Variants in GCA observed in about 807,000 individuals in gnomAD.
GCA encodes grancalcin.
In GCA, 30 loss-of-function variants were observed where a neutral mutation model predicts 32.6. The observed-to-expected ratio is 0.92, with a 90% CI of 0.69 to 1.25. The LOEUF (loss-of-function observed/expected upper bound fraction) is 1.25, where lower values mean the gene tolerates loss of function less well. Among genes scored for constraint, GCA ranks in the 50% most tolerant of loss-of-function variants. GCA has a pLI of 0.00. For missense variants in GCA, 291 were observed against 266.8 expected, an observed-to-expected ratio of 1.09 and a Z score of -0.63; for synonymous variants, 102 against 84.6, an observed-to-expected ratio of 1.21 and a Z score of -1.13.
At chr2:162,373,486 A>G, downstream of GCA, 2 of 1,543,704 alleles carry the variant, frequency 1.3e-6, no homozygotes, top group Non-Finnish European at 1.7e-6. Context: ...GGAAGGGCTG[A>G]AACTTCGGTC....
At chr2:162,357,135 T>C (rs1051956880) in intron 5 of GCA, among the ~76,000 whole-genome samples, 1 of 151,894 alleles carries the variant, frequency 6.6e-6, no homozygotes, top group African/African-American at 2.4e-5. Flanking sequence ...ACATTCTGAA[T>C]TTCTTCTGTT....
intron 1 of GCA, among the ~76,000 whole-genome samples, chr2:162,346,002 A>G (rs1443954849): frequency 6.6e-6 from 1 of 152,176 alleles, no homozygotes; most frequent in Non-Finnish European, 1.5e-5. Flanking sequence ...ATGCATTTCC[A>G]ATAGATTTTT....
chr2:162,321,157 T>A (rs542040802), intron 1 of GCA, among the ~76,000 whole-genome samples: 6 of 152,288 alleles, frequency 3.9e-5, no homozygotes, highest in Non-Finnish European at 7.4e-5. Context: ...ATGTATCCTT[T>A]TTTCATCTAT....
intron 1 of GCA, among the ~76,000 whole-genome samples, chr2:162,329,016 C>T (rs1426122138): frequency 1.3e-5 from 2 of 152,144 alleles, no homozygotes; most frequent in African/African-American, 4.8e-5. Flanking sequence ...GTGCATTCCT[C>T]TCCACATCCA....
intron 2 of GCA, among the ~76,000 whole-genome samples, chr2:162,351,304 T>C (rs757274699): frequency 2.0e-5 from 3 of 152,188 alleles, no homozygotes; most frequent in Non-Finnish European, 2.9e-5. Context: ...GAGACTCAAA[T>C]TGAGTAACTG....
chr2:162,325,032 A>G lies in GCA; in HGVS notation c.-31+5807A>G, dbSNP rs148326489. 4.6e-5 allele frequency among the ~76,000 whole-genome samples: 7 copies of G among 152,320 alleles called. No homozygotes were observed. In the East Asian group the frequency reaches 1.4e-3, roughly 29 times the overall value. ...ACAAGTTCTATAAGGTTAAGTATGC[A>G]TGGGTTAAATGTGTATTACACAAAG... On this transcript the variant is annotated intron_variant, in intron 1 of 4. Coordinates refer to the GCA transcript ENST00000429691.
In GCA at chr2:162,356,444, G is replaced by A. The variant is rs777124789; in HGVS notation, c.269G>A (p.Ser90Asn). 4 of 1,561,254 alleles carry A rather than the reference G, an allele frequency of 2.6e-6. No homozygotes were observed. Among genetic ancestry groups the A allele is most frequent in the African/African-American group, 2.7e-5 (2 of 73,764 alleles). Reference sequence around the variant, plus strand: ...TATTGAATATGTTTTACAGCCTTCAGTTTGGAAACCTGCAGAATTATGATT... The same window carrying A: ...TATTGAATATGTTTTACAGCCTTCAATTTGGAAACCTGCAGAATTATGATT... ...SGINGTYSPFSLETCRIMIAM... is the reference protein window; with the variant it reads ...SGINGTYSPFNLETCRIMIAM... The change falls in exon 4 of 8, where the codon AGT becomes AAT. Residue 90 changes from serine (S) to asparagine (N), a missense_variant. By Grantham distance (46) the Ser-to-Asn change is conservative. Transcript: ENST00000437150.
chr2:162,359,206 T>A, intron 6 of GCA, 49 bp downstream of exon 6: 1 of 990,696 alleles, frequency 1.0e-6, no homozygotes, highest in Non-Finnish European at 1.6e-6. Flanking sequence ...GCTATTTTTC[T>A]TGAATAATGT....
At chr2:162,331,225 G>T (rs980409363) in intron 1 of GCA, among the ~76,000 whole-genome samples, 1 of 152,206 alleles carries the variant, frequency 6.6e-6, no homozygotes, top group Non-Finnish European at 1.5e-5. Context: ...GCAGAGCACT[G>T]CCTTGTTTGA....
chr2:162,348,632 C>T (rs181641431), intron 2 of GCA, among the ~76,000 whole-genome samples: 6 of 152,208 alleles, frequency 3.9e-5, no homozygotes, highest in East Asian at 1.9e-4. Flanking sequence ...CCAATAGGGA[C>T]GTGTGAAACT....
rs1015376674 is a variant in GCA at position 162,361,914 on chromosome 2, C to T, written c.*1671C>T. ...TTAACATCCAGGTTATACAGATGGTCGTTACTGAACTATTCTGCGGTCGAT... is the reference window on the plus strand; with the variant it reads ...TTAACATCCAGGTTATACAGATGGTTGTTACTGAACTATTCTGCGGTCGAT... On this transcript the variant is annotated 3_prime_UTR_variant, in exon 8 of 8. Coordinates refer to ENST00000437150, the MANE Select transcript of GCA (RefSeq NM_012198.5). 2.7e-5 allele frequency: 27 copies of T among 984,338 alleles called. No homozygotes were observed. The African/African-American group carries it at 3.5e-4, about 13-fold the overall frequency. The allele number at this position is 984,338 out of a possible 1,614,324, so 61.0% of individuals were successfully genotyped here.
In GCA at chr2:162,361,469, G is replaced by A; in HGVS notation, c.*1226G>A. On this transcript the variant is annotated 3_prime_UTR_variant, in exon 8 of 8. Transcript: ENST00000437150. ...CTAACAGTGAGTGACATAATTTTAT[G>A]ACTGCTGACCAAATTAATTTATAGA... The A allele has an allele frequency of 1.0e-6, 1 of 975,152 alleles. No individual in the cohort carries two copies. Among genetic ancestry groups the A allele is most frequent in the South Asian group, 4.7e-5 (1 of 21,070 alleles). The allele number at this position is 975,152 out of a possible 1,614,324, so 60.4% of individuals were successfully genotyped here. A position where few individuals can be genotyped will look rare whatever the true frequency, so the allele number is the denominator to read the frequency against.
chr2:162,363,273 G>A (rs1360882479), downstream of GCA, among the ~76,000 whole-genome samples: 1 of 151,184 alleles, frequency 6.6e-6, no homozygotes, highest in African/African-American at 2.4e-5. Context: ...TTTCAGGCAG[G>A]CATATTCTGT....
chr2:162,321,757 C>T (rs1683671589), intron 1 of GCA, among the ~76,000 whole-genome samples: 1 of 151,750 alleles, frequency 6.6e-6, no homozygotes, highest in Non-Finnish European at 1.5e-5. Flanking sequence ...ACACTAGCAC[C>T]AGCCTGGCAT....
chr2:162,356,304 A>G (rs1330655281), intron 3 of GCA, 134 bp from the exon 4 acceptor site: 4 of 646,720 alleles, frequency 6.2e-6, no homozygotes, highest in South Asian at 6.0e-5. Flanking sequence ...ACATTCAATA[A>G]TAGCTTGTTG....
chr2:162,341,988 AAAG>A (rs1406993763), upstream of GCA, among the ~76,000 whole-genome samples: 4 of 152,236 alleles, frequency 2.6e-5, no homozygotes, highest in South Asian at 2.1e-4. Flanking sequence ...TTTATAAAGT[AAAG>A]AAGGATTTTA....
At chr2:162,336,702 TTAAG>T (rs564737160) in intron 1 of GCA, among the ~76,000 whole-genome samples, 81 of 152,322 alleles carry the variant, frequency 5.3e-4, no homozygotes, top group Admixed American at 3.6e-3. Context: ...TTGGATTTAA[TTAAG>T]TATCAATTAA....
downstream of GCA, among the ~76,000 whole-genome samples, chr2:162,366,420 C>T (rs554615470): frequency 5.3e-5 from 8 of 151,944 alleles, no homozygotes; most frequent in South Asian, 1.7e-3. Flanking sequence ...TTAGTCATCT[C>T]TCAATCTCCA....
rs890087773 is a variant in GCA, at chr2:162,361,417, T to A, written c.*1174T>A. ...AGATTTAATAAACCACTTATTTTTC[T>A]TATGCTTTAAATGTGTATTTTCTAA... On this transcript the variant is annotated 3_prime_UTR_variant, in exon 8 of 8. Transcript: ENST00000437150. The A allele has an allele frequency of 1.0e-6, 1 of 979,688 alleles. No homozygotes were observed. Among genetic ancestry groups the A allele is most frequent in the Non-Finnish European group, 1.2e-6 (1 of 825,026 alleles). 60.7% of individuals were successfully genotyped at this position (979,688 alleles called of 1,614,324 possible).
Sources: allele counts gnomAD v4.1 joint callset (sites outside exome capture counted in the v4.1 genomes callset), GRCh38; gene constraint gnomAD v4.1.1; transcripts MANE v1.5; gene names NCBI Gene and HGNC (gene_info 2026-07-23, HGNC 2026-07-21).